SRSF7: variants seen among roughly 807,000 people sequenced by gnomAD.
The protein encoded by SRSF7 is serine/arginine-rich splicing factor 7.
A neutral mutation model predicts 42.2 loss-of-function variants in SRSF7; 15 were observed. The observed-to-expected ratio is 0.36, with a 90% CI of 0.24 to 0.55. SRSF7 has a LOEUF of 0.55. SRSF7 is among the 20% of genes least tolerant of loss of function. SRSF7 has a pLI of 0.88. For missense variants in SRSF7, 181 were observed against 305.9 expected (o/e 0.59, Z 3.04); for synonymous variants, 138 against 107.9 (o/e 1.28, Z -1.73).
Position 38,744,706 on chromosome 2 carries a change from T to C in SRSF7, c.*427A>G. On this transcript the variant is annotated 3_prime_UTR_variant, in exon 8 of 8. Coordinates refer to ENST00000313117, the MANE Select transcript of SRSF7 (RefSeq NM_001031684.3). ...GTCATCTTACCCAGAGCTACAAGGG[T>C]AAGATGGAATTTTCAAAGTCCCTTA... 1.8e-5 allele frequency: 3 copies of C among 165,004 alleles called. No homozygotes were observed. The highest frequency in any genetic ancestry group is 1.7e-4 in the East Asian group (1 of 5,814). The allele number at this position is 165,004 out of a possible 1,614,324, so 10.2% of individuals were successfully genotyped here.
chr2:38,748,203 T>C, intron 4 of SRSF7, 46 bp from the exon 5 acceptor site: 1 of 1,497,482 alleles, frequency 6.7e-7, no homozygotes, highest in Non-Finnish European at 9.2e-7. Flanking sequence ...TTTTTTTTTT[T>C]TGGCCTGTTA....
chr2:38,748,710 T>G, intron 3 of SRSF7, 57 bp from the exon 4 acceptor site: 1 of 1,527,274 alleles, frequency 6.5e-7, no homozygotes, highest in Non-Finnish European at 9.1e-7. Context: ...TTTTTAAGAG[T>G]TTGTGTGCCT....
intron 4 of SRSF7, 100 bp from the exon 5 acceptor site, chr2:38,748,257 C>G: frequency 1.1e-6 from 1 of 870,114 alleles, no homozygotes; most frequent in Non-Finnish European, 1.8e-6. Context: ...GCCCATAATC[C>G]CAGCACTGCG....
chr2:38,749,055 A>G, intron 3 of SRSF7: 1 of 1,306,520 alleles, frequency 7.7e-7, no homozygotes, highest in African/African-American at 1.5e-5. Context: ...GATTGACGCA[A>G]GAAGATTTTT....
chr2:38,746,104 A>C, intron 7 of SRSF7, 40 bp downstream of exon 7: 1 of 1,613,100 alleles, frequency 6.2e-7, no homozygotes, highest in Non-Finnish European at 8.5e-7. Flanking sequence ...CAGAGGCCAC[A>C]CTTGACAGGC....
chr2:38,746,126 A>G lies in SRSF7; in HGVS notation c.662+18T>C. 2 of 1,614,138 alleles carry G rather than the reference A, an allele frequency of 1.2e-6. No individual in the cohort carries two copies. The highest frequency in any genetic ancestry group is 1.7e-6 in the Non-Finnish European group (2 of 1,179,966). Reference sequence around the variant, plus strand: ...CACACTTGACAGGCAAGATTTGGCAACAAAACATTTAGCTTACCTTCTTTT... The same window carrying G: ...CACACTTGACAGGCAAGATTTGGCAGCAAAACATTTAGCTTACCTTCTTTT... On this transcript the variant is annotated intron_variant, in intron 7 of 7. Coordinates refer to ENST00000313117, the MANE Select transcript of SRSF7 (RefSeq NM_001031684.3).
intron 7 of SRSF7, among the ~76,000 whole-genome samples, chr2:38,745,748 TAAG>T (rs1001902859): frequency 1.3e-5 from 2 of 152,140 alleles, no homozygotes; most frequent in African/African-American, 4.8e-5. Flanking sequence ...TTCTGGTCAT[TAAG>T]AAGCACTAGA....
chr2:38,746,876 A>ATTC, intron 5 of SRSF7, 129 bp from the exon 6 acceptor site: 1 of 1,460,834 alleles, frequency 6.8e-7, no homozygotes, highest in South Asian at 1.3e-5. Context: ...CACTTGCCTT[A>ATTC]TTCTGTCTAA....
rs1341070937 is a variant in SRSF7, at chr2:38,748,224, TG to T, written c.462-68del. On this transcript the variant is annotated intron_variant, in intron 4 of 7. Coordinates refer to ENST00000313117, the MANE Select transcript of SRSF7 (RefSeq NM_001031684.3). ...TTTTTTGGCCTGTTAAGACTTCAACTGGGGAACGGTGCAGTGGCTCATGCCC... is the reference window on the plus strand; with the variant it reads ...TTTTTTGGCCTGTTAAGACTTCAACTGGGAACGGTGCAGTGGCTCATGCCC... 10 of 1,214,492 alleles carry T rather than the reference TG, an allele frequency of 8.2e-6. No individual in the cohort carries two copies. The South Asian group carries it at 9.1e-5, about 11-fold the overall frequency. The allele number at this position is 1,214,492 out of a possible 1,614,324, so 75.2% of individuals were successfully genotyped here. A position where few individuals can be genotyped will look rare whatever the true frequency, so the allele number is the denominator to read the frequency against.
chr2:38,748,271 G>C, intron 4 of SRSF7, 114 bp from the exon 5 acceptor site: 1 of 795,060 alleles, frequency 1.3e-6, no homozygotes, highest in Non-Finnish European at 2.0e-6. Flanking sequence ...CACTGCGGGA[G>C]GATCGTTTGA....
At chr2:38,749,307 T>G in intron 3 of SRSF7, 1 of 1,496,698 alleles carries the variant, frequency 6.7e-7, no homozygotes, top group Non-Finnish European at 9.0e-7. Flanking sequence ...ATAAGGCTCG[T>G]GACATTCTGA....
In SRSF7 at chr2:38,751,254, CATG is replaced by C; in HGVS notation, c.-1_2del. ...CTCCTCCGTACCGCCCGTAACGCGA[CATG>C]ATGACAGACCCGCGTGCTCGGCTCT... On this transcript the variant is annotated start_lost and start_retained_variant and 5_prime_UTR_variant, in exon 1 of 8. Coordinates refer to ENST00000313117, the MANE Select transcript of SRSF7 (RefSeq NM_001031684.3). The C allele has an allele frequency of 1.2e-6, 2 of 1,614,080 alleles. No individual in the cohort carries two copies. The highest frequency in any genetic ancestry group is 1.7e-5 in the Admixed American group (1 of 60,008).
In SRSF7 at chr2:38,744,030, A is replaced by C; in HGVS notation, c.*1103T>G. 1 of 152,198 alleles carries C rather than the reference A, an allele frequency of 6.6e-6. No individual in the cohort carries two copies. The highest frequency in any genetic ancestry group is 6.6e-5 in the Admixed American group (1 of 15,264). 9.4% of individuals were successfully genotyped at this position (152,198 alleles called of 1,614,324 possible). On this transcript the variant is annotated 3_prime_UTR_variant, in exon 8 of 8. Transcript: ENST00000313117. ...TGAATAAAGAACCTACTGGCTATGTAACATTCTAAGGTCTACCAGATGCTA... is the reference window on the plus strand; with the variant it reads ...TGAATAAAGAACCTACTGGCTATGTCACATTCTAAGGTCTACCAGATGCTA...
chr2:38,748,013 C>A (rs775818644), intron 5 of SRSF7, 34 bp downstream of exon 5: 1 of 1,501,858 alleles, frequency 6.7e-7, no homozygotes, highest in South Asian at 1.1e-5. Context: ...TGTGAACAAT[C>A]CAAACACAAG....
chr2:38,748,207 C>A (rs1364561353), intron 4 of SRSF7, 50 bp from the exon 5 acceptor site: 1 of 1,185,232 alleles, frequency 8.4e-7, no homozygotes. Flanking sequence ...TTTTTTTTGG[C>A]CTGTTAAGAC....
At chr2:38,749,008 C>T in intron 3 of SRSF7, 1 of 1,288,678 alleles carries the variant, frequency 7.8e-7, no homozygotes, top group Admixed American at 2.6e-5. Context: ...AATCTAACGA[C>T]GATCAAACTG....
In SRSF7 at chr2:38,744,127, A is replaced by T; in HGVS notation, c.*1006T>A. 1.2e-4 allele frequency: 18 copies of T among 152,644 alleles called. No individual in the cohort carries two copies. Among genetic ancestry groups the T allele is most frequent in the Admixed American group, 6.5e-5 (1 of 15,280 alleles). The allele number at this position is 152,644 out of a possible 1,614,324, so 9.5% of individuals were successfully genotyped here. Reference sequence around the variant, plus strand: ...TTACAAAACCACTTTAGTCTCATTGACATTTCTGATTGACATCTTTAATTA... The same window carrying T: ...TTACAAAACCACTTTAGTCTCATTGTCATTTCTGATTGACATCTTTAATTA... On this transcript the variant is annotated 3_prime_UTR_variant, in exon 8 of 8. Transcript: ENST00000313117.
intron 5 of SRSF7, 86 bp downstream of exon 5, chr2:38,747,961 A>G (rs1572564561): frequency 1.1e-6 from 1 of 884,614 alleles, no homozygotes; most frequent in African/African-American, 1.7e-5. Context: ...TCCCTGAAGC[A>G]ATCCATTTGA....
intron 1 of SRSF7, chr2:38,750,868 G>A (rs969299182): frequency 2.6e-5 from 8 of 302,924 alleles, no homozygotes; most frequent in Non-Finnish European, 4.6e-5. Context: ...AAAGCGCTGA[G>A]GAAATGCGCC....
Sources: gnomAD v4.1 joint callset for allele counts (sites outside exome capture counted in the v4.1 genomes callset) on GRCh38, gnomAD v4.1.1 for gene constraint, MANE v1.5 for transcripts, NCBI Gene and HGNC (gene_info 2026-07-23, HGNC 2026-07-21) for gene names.